The following FBXL18 variants were observed in gnomAD, a reference collection of about 807,000 sequenced individuals.
The protein encoded by FBXL18 is F-box/LRR-repeat protein 18.
FBXL18 carries 36 observed loss-of-function variants against 46.0 expected under a neutral mutation model. The ratio of observed to expected loss-of-function variants is 0.78; its 90% CI spans 0.60 to 1.03. The LOEUF is 1.03. Ranked by LOEUF, FBXL18 falls within the 50% of genes least tolerant of loss-of-function variation. FBXL18 has a pLI of 0.00. For missense variants in FBXL18, 977 were observed against 1,004.1 expected, an observed-to-expected ratio of 0.97 and a Z score of 0.36; for synonymous variants, 557 against 465.3, an observed-to-expected ratio of 1.20 and a Z score of -2.54.
intron 4 of FBXL18, among the ~76,000 whole-genome samples, chr7:5,484,364 G>A (rs1444952881): frequency 2.0e-5 from 3 of 151,896 alleles, no homozygotes; most frequent in South Asian, 4.2e-4. Flanking sequence ...CCAGCTATTC[G>A]GAAGGCTGCG....
At chr7:5,475,572 A>T (rs1182753004), downstream of FBXL18, among the ~76,000 whole-genome samples, 1 of 152,172 alleles carries the variant, frequency 6.6e-6, no homozygotes, top group African/African-American at 2.4e-5. The surrounding 1 kb of genome is among the most constrained non-coding windows in gnomAD (Gnocchi z 4.2). Context: ...CCCCAGCCCA[A>T]GGCTGTCTCA....
chr7:5,485,771 G>T (rs910269782), intron 4 of FBXL18, among the ~76,000 whole-genome samples: 1 of 152,176 alleles, frequency 6.6e-6, no homozygotes, highest in Admixed American at 6.6e-5. Context: ...GCCGGGTGTG[G>T]CCGGGCGCGG....
intron 1 of FBXL18, among the ~76,000 whole-genome samples, chr7:5,512,316 AAAAAAAAG>A: frequency 7.1e-6 from 1 of 140,120 alleles, no homozygotes; most frequent in African/African-American, 2.8e-5. Context: ...AAAAAAAAAA[AAAAAAAAG>A]CAGAGTCCAG....
chr7:5,455,348 A>T lies in FBXL18; in HGVS notation c.2001-7505T>A, dbSNP rs1219895694. Among the ~76,000 whole-genome samples, 1 of 151,896 alleles carries T rather than the reference A, an allele frequency of 6.6e-6. No homozygotes were observed. Among genetic ancestry groups the T allele is most frequent in the African/African-American group, 2.4e-5 (1 of 41,346 alleles). On this transcript the variant is annotated intron_variant and NMD_transcript_variant, in intron 4 of 6. Coordinates refer to the FBXL18 transcript ENST00000415009. The surrounding 1 kb of genome is among the most constrained non-coding windows in gnomAD (Gnocchi z 4.6). ...AAGGAGCACTCAGGGCACATACTTG[A>T]ACATTCTCAGGCCACATACTTGGGG... is the stretch of plus-strand genomic sequence containing the variant.
intron 4 of FBXL18, among the ~76,000 whole-genome samples, chr7:5,462,162 A>G (rs1307955027): frequency 2.0e-5 from 3 of 152,092 alleles, no homozygotes; most frequent in Non-Finnish European, 4.4e-5. Context: ...CAGGAGGTGG[A>G]GGCTGCAGTG....
In FBXL18 at chr7:5,469,993, T is replaced by G. The variant is rs116101247; in HGVS notation, c.2000+21238A>C. Reference sequence around the variant, plus strand: ...GGGATGTGGCATGTGATTGTCAGAGTGTCTGAAGTGTACGGGTATGAACGG... The same window carrying G: ...GGGATGTGGCATGTGATTGTCAGAGGGTCTGAAGTGTACGGGTATGAACGG... On this transcript the variant is annotated intron_variant and NMD_transcript_variant, in intron 4 of 6. Coordinates refer to the FBXL18 transcript ENST00000415009. Among the ~76,000 whole-genome samples the G allele has an allele frequency of 5.6e-3, 849 of 152,106 alleles. 10 individuals carry two copies. Among genetic ancestry groups the G allele is most frequent in the African/African-American group, 0.019 (798 of 41,488 alleles).
At chr7:5,465,533 G>C (rs924060279) in intron 4 of FBXL18, among the ~76,000 whole-genome samples, 2 of 152,122 alleles carry the variant, frequency 1.3e-5, no homozygotes, top group African/African-American at 4.8e-5. Flanking sequence ...GGAGTGCAGT[G>C]GTGCGATCAT....
intron 1 of FBXL18, among the ~76,000 whole-genome samples, chr7:5,513,435 A>T (rs943278777): frequency 6.6e-6 from 1 of 152,050 alleles, no homozygotes; most frequent in Non-Finnish European, 1.5e-5. Flanking sequence ...TGCACGAGCG[A>T]AGGGGGAGAC....
intron 4 of FBXL18, among the ~76,000 whole-genome samples, chr7:5,466,929 A>C (rs939269147): frequency 6.6e-6 from 1 of 152,166 alleles, no homozygotes; most frequent in Non-Finnish European, 1.5e-5. Flanking sequence ...ATTTACATCA[A>C]TTTAAATGTA....
chr7:5,493,148 G>A (rs7789524), intron 3 of FBXL18, among the ~76,000 whole-genome samples: 1 of 152,086 alleles, frequency 6.6e-6, no homozygotes, highest in Non-Finnish European at 1.5e-5. Flanking sequence ...GAGCCTGGGC[G>A]ACATAGTGAG....
chr7:5,463,715 TATTTATTTATTTA>T (rs1562672222), intron 4 of FBXL18, among the ~76,000 whole-genome samples: 7 of 70,842 alleles, frequency 9.9e-5, no homozygotes, highest in African/African-American at 3.8e-4. Context: ...TTTATTTATT[TATTTATTTATTTA>T]TTTTTTTTTT....
At chr7:5,456,022 C>T (rs1005739945) in intron 4 of FBXL18, among the ~76,000 whole-genome samples, 1 of 152,156 alleles carries the variant, frequency 6.6e-6, no homozygotes, top group African/African-American at 2.4e-5. Flanking sequence ...GTTTGCCCTC[C>T]GCAGTCCTTC....
At position 5,500,961 on chromosome 7, in the gene FBXL18, G is replaced by GGGCGCGCGGTC. The variant is rs1021055477; in HGVS notation, c.1297_1307dup (p.Ala437ThrfsTer47). ...GCACTGCGTGCATGGCCGGCTGGGC[G>GGGCGCGCGGTC]GGCGCGCGGTCGGCGCGCGGCGCGG... On this transcript the variant is annotated frameshift_variant, in exon 3 of 5. Coordinates refer to ENST00000382368, the MANE Select transcript of FBXL18 (RefSeq NM_024963.6). LOFTEE classifies it high-confidence loss of function. 1.4e-5 allele frequency: 21 copies of GGGCGCGCGGTC among 1,535,048 alleles called. No individual in the cohort carries two copies. Among genetic ancestry groups the GGGCGCGCGGTC allele is most frequent in the East Asian group, 4.6e-5 (2 of 43,714 alleles).
chr7:5,472,450 G>C (rs1005218609), downstream of FBXL18, among the ~76,000 whole-genome samples: 13 of 152,178 alleles, frequency 8.5e-5, no homozygotes, highest in Admixed American at 2.6e-4. Context: ...GGAGACGCTT[G>C]CTCTTGGGAC....
chr7:5,456,804 T>C (rs1249408772), intron 4 of FBXL18, among the ~76,000 whole-genome samples: 2 of 152,198 alleles, frequency 1.3e-5, no homozygotes, highest in East Asian at 1.9e-4. Flanking sequence ...TGTTCTGTCA[T>C]CCAGGTTGGA....
rs949840636 is a variant in FBXL18, at chr7:5,481,847, G to A, written c.2085C>T (p.Pro695=). ...EGLTDVIRDV[P]LVHLDEITLF... ...AGGTGATCTCATCCAGGTGCACCAG[G>A]GGGACGTCCCGGATGACGTCGGTCA... Residue 695 remains proline, a synonymous_variant, in exon 5 of 5, where the codon CCC becomes CCT. Transcript: ENST00000382368. 3.7e-6 allele frequency: 6 copies of A among 1,613,772 alleles called. No individual in the cohort carries two copies. The highest frequency in any genetic ancestry group is 2.2e-5 in the East Asian group (1 of 44,900).
chr7:5,481,970 GC>G, intron 4 of FBXL18, 39 bp from the exon 5 acceptor site: 1 of 1,565,102 alleles, frequency 6.4e-7, no homozygotes, highest in Non-Finnish European at 8.7e-7. Context: ...TACATGGGTG[GC>G]CACGGAGGGG....
In FBXL18 at chr7:5,481,948, C is replaced by T. The variant is rs201841539; in HGVS notation, c.2001-17G>A. The T allele has an allele frequency of 6.3e-6, 10 of 1,587,708 alleles. No individual in the cohort carries two copies. Among genetic ancestry groups the T allele is most frequent in the Middle Eastern group, 1.7e-4 (1 of 5,786 alleles). ...GCCTGGAAGCTGAACCAGAGACAGGCGGTCAGCGGATTACATGGGTGGCCA... is the reference window on the plus strand; with the variant it reads ...GCCTGGAAGCTGAACCAGAGACAGGTGGTCAGCGGATTACATGGGTGGCCA... On this transcript the variant is annotated splice_polypyrimidine_tract_variant and intron_variant, in intron 4 of 4. Coordinates refer to ENST00000382368, the MANE Select transcript of FBXL18 (RefSeq NM_024963.6).
chr7:5,469,351 G>A (rs1783391904), intron 4 of FBXL18, among the ~76,000 whole-genome samples: 1 of 152,224 alleles, frequency 6.6e-6, no homozygotes, highest in Non-Finnish European at 1.5e-5. Flanking sequence ...GGTGGAGGTT[G>A]CAGTGAGCTG....
Sources: allele counts gnomAD v4.1 joint callset (sites outside exome capture counted in the v4.1 genomes callset), GRCh38; gene constraint gnomAD v4.1.1; non-coding constraint Gnocchi (gnomAD v3.1); transcripts MANE v1.5; gene names NCBI Gene and HGNC (gene_info 2026-07-23, HGNC 2026-07-21).